XYLT1: variants seen among roughly 807,000 people sequenced by gnomAD.
XYLT1 encodes the protein beta-D-xylosyltransferase 1.
XYLT1 carries 36 observed loss-of-function variants against 91.3 expected under a neutral mutation model. The ratio of observed to expected loss-of-function variants is 0.39; its 90% confidence interval spans 0.30 to 0.52. XYLT1 has a LOEUF of 0.52. Among genes scored for constraint, XYLT1 ranks in the 20% least tolerant of loss-of-function variants. The probability of loss-of-function intolerance (pLI) is 0.68; values close to 1 mark genes in which losing one functional copy is unlikely to be tolerated. For synonymous variants in XYLT1, 588 were observed against 532.0 expected (o/e 1.11, Z -1.45); for missense variants, 1,242 against 1,284.5 (o/e 0.97, Z 0.51).
At chr16:17,297,862 A>G (rs1244029128) in intron 2 of XYLT1, among the ~76,000 whole-genome samples, 1 of 152,136 alleles carries the variant, frequency 6.6e-6, no homozygotes, top group Non-Finnish European at 1.5e-5. Flanking sequence ...TCTACTAAAA[A>G]TACAAAACAT....
chr16:17,293,809 C>T (rs930970318), intron 2 of XYLT1, among the ~76,000 whole-genome samples: 5 of 152,148 alleles, frequency 3.3e-5, no homozygotes, highest in Non-Finnish European at 7.3e-5. Flanking sequence ...TCTTAAGAGT[C>T]ACCACTAGTG....
chr16:17,344,268 G>A lies in XYLT1; in HGVS notation c.402+13744C>T, dbSNP rs567805412. ...GAGGCCAAGGCGGGCGGATCACGAG[G>A]TCAGGAGATTGAGACCATCCTGGCT... On this transcript the variant is annotated intron_variant, in intron 2 of 11. Transcript: ENST00000261381. Among the ~76,000 whole-genome samples, 8 of 151,278 alleles carry A rather than the reference G, an allele frequency of 5.3e-5. No individual in the cohort carries two copies. The East Asian group carries it at 1.6e-3, about 30-fold the overall frequency.
chr16:17,350,491 GCTGGTCACCTCC>G (rs2035205854), intron 2 of XYLT1, among the ~76,000 whole-genome samples: 2 of 152,202 alleles, frequency 1.3e-5, no homozygotes, highest in African/African-American at 4.8e-5. Flanking sequence ...CAGTGGTCTG[GCTGGTCACCTCC>G]CTGCCCCACC....
At chr16:17,327,197 T>G (rs1333628732) in intron 2 of XYLT1, among the ~76,000 whole-genome samples, 3 of 152,160 alleles carry the variant, frequency 2.0e-5, no homozygotes, top group Admixed American at 2.0e-4. Flanking sequence ...AACCTTTATA[T>G]TCCAACTAAA....
chr16:17,122,152 T>C (rs893631338), intron 10 of XYLT1, among the ~76,000 whole-genome samples: 8 of 152,236 alleles, frequency 5.3e-5, no homozygotes, highest in African/African-American at 1.9e-4. Flanking sequence ...ATGGTAGAAC[T>C]ACTTGTAGTT....
At chr16:17,372,703 T>C (rs1313446923) in intron 1 of XYLT1, among the ~76,000 whole-genome samples, 1 of 152,240 alleles carries the variant, frequency 6.6e-6, no homozygotes, top group East Asian at 1.9e-4. Flanking sequence ...CATGGAAACT[T>C]GTATCAGAGT....
intron 1 of XYLT1, among the ~76,000 whole-genome samples, chr16:17,379,305 A>G (rs1398298955): frequency 6.6e-6 from 1 of 152,258 alleles, no homozygotes; most frequent in African/African-American, 2.4e-5. Flanking sequence ...CCCATTTGGC[A>G]GCAGCTTCTC....
chr16:17,392,616 C>T (rs1257387393), intron 1 of XYLT1, among the ~76,000 whole-genome samples: 1 of 152,162 alleles, frequency 6.6e-6, no homozygotes, highest in African/African-American at 2.4e-5. Flanking sequence ...ACCCCAAATT[C>T]ACTATGCCAA....
chr16:17,394,266 C>T lies in XYLT1; in HGVS notation c.364-36216G>A, dbSNP rs571667395. 1.2e-4 allele frequency among the ~76,000 whole-genome samples: 18 copies of T among 152,340 alleles called. No individual in the cohort carries two copies. The South Asian group carries it at 3.5e-3, about 30-fold the overall frequency. On this transcript the variant is annotated intron_variant, in intron 1 of 11. Transcript: ENST00000261381. ...AGCCCCATGTGGCTGCTGGCCACCT[C>T]ACTGGACGGTACAGGGGTGGCTCAT...
chr16:17,326,999 T>C (rs933827719), intron 2 of XYLT1, among the ~76,000 whole-genome samples: 3 of 152,228 alleles, frequency 2.0e-5, no homozygotes, highest in Admixed American at 6.5e-5. Context: ...ACCCTGCTGA[T>C]GGCAGAAGGC....
At chr16:17,353,438 T>C (rs982133205) in intron 2 of XYLT1, among the ~76,000 whole-genome samples, 16 of 152,202 alleles carry the variant, frequency 1.1e-4, no homozygotes, top group Non-Finnish European at 2.9e-5. Context: ...TGATCAACTG[T>C]CTTGGGGATC....
At chr16:17,203,986 C>T (rs1320027353) in intron 3 of XYLT1, among the ~76,000 whole-genome samples, 1 of 152,186 alleles carries the variant, frequency 6.6e-6, no homozygotes, top group African/African-American at 2.4e-5. Flanking sequence ...TCCTATGCAT[C>T]CATTGTTATT....
At chr16:17,358,904 T>C (rs12444004) in intron 1 of XYLT1, among the ~76,000 whole-genome samples, 2,925 of 152,134 alleles carry the variant, frequency 0.019, 55 homozygotes, top group African/African-American at 0.041. Context: ...TTTTTTAGGA[T>C]AGAGAAGGCC....
chr16:17,454,922 C>CCCCCCCCCCA, intron 1 of XYLT1, among the ~76,000 whole-genome samples: 1 of 108,762 alleles, frequency 9.2e-6, no homozygotes, highest in African/African-American at 4.0e-5. Flanking sequence ...CGCCCCCCCC[C>CCCCCCCCCCA]GCAACTATTT....
intron 3 of XYLT1, among the ~76,000 whole-genome samples, chr16:17,206,220 C>T (rs1008010749): frequency 3.3e-5 from 5 of 152,200 alleles, no homozygotes; most frequent in East Asian, 1.9e-4. Flanking sequence ...GCAGCAGGCG[C>T]GTTGCAGAGG....
intron 9 of XYLT1, among the ~76,000 whole-genome samples, chr16:17,133,542 G>A (rs1473098227): frequency 6.6e-6 from 1 of 152,058 alleles, no homozygotes; most frequent in Non-Finnish European, 1.5e-5. Context: ...GCATTAAAAG[G>A]AATCATTATC....
At chr16:17,406,930 C>T (rs985654946) in intron 1 of XYLT1, among the ~76,000 whole-genome samples, 4 of 152,112 alleles carry the variant, frequency 2.6e-5, no homozygotes, top group African/African-American at 9.7e-5. Flanking sequence ...ATGTCTCTTC[C>T]CACAGGGTCA....
At chr16:17,427,827 G>GT (rs912560774) in intron 1 of XYLT1, among the ~76,000 whole-genome samples, 173 of 144,720 alleles carry the variant, frequency 1.2e-3, no homozygotes, top group South Asian at 1.3e-3. Flanking sequence ...ATACAAAAAG[G>GT]TTTTTTTTTT....
At chr16:17,202,199 C>T (rs956624692) in intron 3 of XYLT1, among the ~76,000 whole-genome samples, 5 of 152,124 alleles carry the variant, frequency 3.3e-5, no homozygotes, top group Non-Finnish European at 5.9e-5. Flanking sequence ...GTTTATGGGA[C>T]CCAGGACATT....
Sources: allele counts gnomAD v4.1 joint callset (sites outside exome capture counted in the v4.1 genomes callset), GRCh38; gene constraint gnomAD v4.1.1; transcripts MANE v1.5; gene names NCBI Gene and HGNC (gene_info 2026-07-23, HGNC 2026-07-21).